Variants in BNIPL observed in about 807,000 individuals in gnomAD.
The protein encoded by BNIPL is bcl-2/adenovirus E1B 19 kDa-interacting protein 2-like protein.
In BNIPL, 33 loss-of-function variants were observed where a neutral mutation model predicts 47.0. The ratio of observed to expected loss-of-function variants is 0.70; its 90% CI spans 0.53 to 0.94. BNIPL has a LOEUF of 0.94. Among genes scored for constraint, BNIPL ranks in the 40% least tolerant of loss-of-function variants. The pLI is 0.00. For missense variants in BNIPL, 404 were observed against 445.2 expected (o/e 0.91, Z 0.83); for synonymous variants, 145 against 162.7 (o/e 0.89, Z 0.83).
At chr1:151,046,034 AC>A in intron 8 of BNIPL, 32 bp from the exon 9 acceptor site, 2 of 1,614,000 alleles carry the variant, frequency 1.2e-6, no homozygotes, top group African/African-American at 2.7e-5. Context: ...TTCTCCCAAT[AC>A]AAAACACAGT....
Position 151,039,010 on chromosome 1 carries a change from T to G in BNIPL, c.417T>G (p.His139Gln), listed in dbSNP as rs587655327. The G allele has an allele frequency of 3.8e-6, 6 of 1,580,876 alleles. No homozygotes were observed. The African/African-American group carries it at 8.1e-5, about 21-fold the overall frequency. The change falls in exon 4 of 10, where the codon CAT becomes CAG. Residue 139 changes from histidine to glutamine, a missense_variant. Coordinates refer to ENST00000368931, the MANE Select transcript of BNIPL (RefSeq NM_138278.4). ...ACTCGGAGCAGCTGGACAGTGGACA[T>G]GAATTTGAATGGGAAGGTGGGAAAC... is the stretch of plus-strand genomic sequence containing the variant. Reference protein sequence around the residue: ...PSDSEQLDSGHEFEWEDELPR... With the variant: ...PSDSEQLDSGQEFEWEDELPR...
Position 151,038,542 on chromosome 1 carries a change from A to AG in BNIPL, c.176_177insG (p.Asp60ArgfsTer3), listed in dbSNP as rs772378353. The AG allele has an allele frequency of 5.0e-6, 8 of 1,613,672 alleles. No individual in the cohort carries two copies. In the South Asian group the frequency reaches 7.7e-5, roughly 16 times the overall value. On this transcript the variant is annotated frameshift_variant, in exon 3 of 10. Coordinates refer to ENST00000368931, the MANE Select transcript of BNIPL (RefSeq NM_138278.4). LOFTEE classifies it high-confidence loss of function. ...GAGGCTGGCACTTCTGAAGATCCTG[A>AG]AGACCCTAAAGGAGATTCACAGGCA...
At position 151,045,871 on chromosome 1, in the gene BNIPL, G is replaced by A. The variant is rs200161296; in HGVS notation, c.926G>A (p.Arg309Gln). ...GTGAAAGCATTTCTGGCACTGCTTCGGCCCTTCATCAGGTACTAGTTCTAG... is the reference window on the plus strand; with the variant it reads ...GTGAAAGCATTTCTGGCACTGCTTCAGCCCTTCATCAGGTACTAGTTCTAG... ...WYVKAFLALL[R>Q]PFISSKFTRK... Residue 309 changes from arginine to glutamine, a missense_variant, in exon 8 of 10, where the codon CGG (arginine) becomes CAG (glutamine). By Grantham distance (43) the Arg-to-Gln change is conservative. Transcript: ENST00000368931. The A allele has an allele frequency of 5.1e-5, 82 of 1,613,894 alleles. No homozygotes were observed. The East Asian group carries it at 1.5e-3, about 30-fold the overall frequency.
chr1:151,037,303 C>T, intron 1 of BNIPL: 1 of 1,136,104 alleles, frequency 8.8e-7, no homozygotes, highest in Non-Finnish European at 1.1e-6. Flanking sequence ...ATCTCTCACC[C>T]CAACTTTGTA....
chr1:151,037,927 G>A (rs1675677926), intron 2 of BNIPL, among the ~76,000 whole-genome samples: 1 of 143,264 alleles, frequency 7.0e-6, no homozygotes, highest in Non-Finnish European at 1.5e-5. Context: ...TTGAACCTGG[G>A]AGGCAGAGGT....
chr1:151,042,698 C>T (rs117770722), intron 4 of BNIPL, among the ~76,000 whole-genome samples: 7,537 of 151,924 alleles, frequency 0.05, 238 homozygotes, highest in South Asian at 0.11. Context: ...CCTGTAGTTC[C>T]AGCTACATGG....
intron 4 of BNIPL, among the ~76,000 whole-genome samples, chr1:151,041,843 C>T (rs1181831237): frequency 2.0e-5 from 3 of 151,882 alleles, no homozygotes; most frequent in Non-Finnish European, 4.4e-5. Flanking sequence ...CACATGGGGG[C>T]GTGCACCTGT....
intron 4 of BNIPL, among the ~76,000 whole-genome samples, chr1:151,040,073 G>A (rs759915720): frequency 3.3e-5 from 5 of 151,852 alleles, no homozygotes; most frequent in Non-Finnish European, 5.9e-5. Context: ...AATCAAAGGA[G>A]TAACATGATC....
rs774506934 is a variant in BNIPL at position 151,045,814 on chromosome 1, G to A, written c.869G>A (p.Arg290Gln). 3.3e-5 allele frequency: 54 copies of A among 1,614,000 alleles called. No individual in the cohort carries two copies. Among genetic ancestry groups the A allele is most frequent in the African/African-American group, 5.3e-5 (4 of 74,886 alleles). The stretch of plus-strand genomic sequence containing the variant: ...TTTTTCAGGCTACGGAAAAACCTGC[G>A]AGCCCTGGTGGTTGTCCATGCTACA... ...TLDRRLRKNL[R>Q]ALVVVHATWY... Residue 290 changes from arginine to glutamine, a missense_variant, in exon 8 of 10, where the codon CGA becomes CAA. Coordinates refer to ENST00000368931, the MANE Select transcript of BNIPL (RefSeq NM_138278.4).
At position 151,046,908 on chromosome 1, in the gene BNIPL, C is replaced by T. The variant is rs1330929324; in HGVS notation, c.*221C>T. 1.7e-5 allele frequency: 8 copies of T among 458,148 alleles called. No homozygotes were observed. The highest frequency in any genetic ancestry group is 1.2e-4 in the South Asian group (3 of 25,276). The allele number at this position is 458,148 out of a possible 1,614,324, so 28.4% of individuals were successfully genotyped here. A position where few individuals can be genotyped will look rare whatever the true frequency, so the allele number is the denominator to read the frequency against. ...GTGACTTTCATTCCAGTTGCTGGGA[C>T]GGAAGGCTGAATGTAGGGTCATTTT... On this transcript the variant is annotated 3_prime_UTR_variant, in exon 10 of 10. Coordinates refer to ENST00000368931, the MANE Select transcript of BNIPL (RefSeq NM_138278.4).
chr1:151,037,385 C>T, intron 1 of BNIPL, 182 bp from the exon 2 acceptor site: 1 of 1,337,386 alleles, frequency 7.5e-7, no homozygotes. Flanking sequence ...CCAAACTTAA[C>T]AGCAGGTAAT....
At position 151,047,095 on chromosome 1, in the gene BNIPL, G is replaced by A. The variant is rs1676056768; in HGVS notation, c.*408G>A. On this transcript the variant is annotated 3_prime_UTR_variant, in exon 10 of 10. Coordinates refer to ENST00000368931, the MANE Select transcript of BNIPL (RefSeq NM_138278.4). ...TGCCTCAGCCTCAGCGAGTAGCTGA[G>A]ACTACCGGCGCACGCCACCACGCCC... 2 of 157,612 alleles carry A rather than the reference G, an allele frequency of 1.3e-5. No homozygotes were observed. Among genetic ancestry groups the A allele is most frequent in the Admixed American group, 1.3e-4 (2 of 15,416 alleles). The allele number at this position is 157,612 out of a possible 1,614,324, so 9.8% of individuals were successfully genotyped here.
rs1264314449 is a variant in BNIPL, at chr1:151,046,298, TG to T, written c.1037+137del. The T allele has an allele frequency of 1.0e-5, 14 of 1,365,522 alleles. No homozygotes were observed. The African/African-American group carries it at 1.8e-4, about 17-fold the overall frequency. The allele number at this position is 1,365,522 out of a possible 1,614,324, so 84.6% of individuals were successfully genotyped here. A position where few individuals can be genotyped will look rare whatever the true frequency, so the allele number is the denominator to read the frequency against. ...CTGTTTTCGGGTGCTTTAATGTATATGGGGAAACTGCACACACCCAGAGAAG... is the reference window on the plus strand; with the variant it reads ...CTGTTTTCGGGTGCTTTAATGTATATGGGAAACTGCACACACCCAGAGAAG... On this transcript the variant is annotated intron_variant, in intron 9 of 9. Transcript: ENST00000368931.
chr1:151,044,058 C>T (rs587619775), intron 7 of BNIPL, among the ~76,000 whole-genome samples: 9 of 152,308 alleles, frequency 5.9e-5, no homozygotes, highest in African/African-American at 2.2e-4. Flanking sequence ...GATCTCGGCT[C>T]ACTGCCACCT....
chr1:151,039,358 G>T (rs1675742288), intron 4 of BNIPL, among the ~76,000 whole-genome samples: 1 of 152,142 alleles, frequency 6.6e-6, no homozygotes, highest in Admixed American at 6.6e-5. Flanking sequence ...AAAAATAATT[G>T]CAGTTAAAGG....
intron 1 of BNIPL, 49 bp downstream of exon 1, chr1:151,036,815 C>G: frequency 6.5e-7 from 1 of 1,538,906 alleles, no homozygotes; most frequent in African/African-American, 1.4e-5. Flanking sequence ...ATAAACAGTC[C>G]GGAGAGACTT....
Position 151,039,003 on chromosome 1 carries a change from G to A in BNIPL, c.410G>A (p.Ser137Asn), listed in dbSNP as rs748046917. 7 of 1,590,078 alleles carry A rather than the reference G, an allele frequency of 4.4e-6. No homozygotes were observed. Among genetic ancestry groups the A allele is most frequent in the Admixed American group, 1.8e-5 (1 of 54,948 alleles). ...ETPSDSEQLDSGHEFEWEDEL... is the reference protein window; with the variant it reads ...ETPSDSEQLDNGHEFEWEDEL... Reference sequence around the variant, plus strand: ...CCTTCAGACTCGGAGCAGCTGGACAGTGGACATGAATTTGAATGGGAAGGT... The same window carrying A: ...CCTTCAGACTCGGAGCAGCTGGACAATGGACATGAATTTGAATGGGAAGGT... The change falls in exon 4 of 10, where the codon AGT (serine) becomes AAT (asparagine). Residue 137 changes from serine (S) to asparagine (N), a missense_variant. Ser to Asn is a conservative substitution (Grantham distance 46, BLOSUM62 1). Coordinates refer to ENST00000368931, the MANE Select transcript of BNIPL (RefSeq NM_138278.4).
At chr1:151,045,055 G>C in intron 7 of BNIPL, 1 of 911,124 alleles carries the variant, frequency 1.1e-6, no homozygotes, top group Non-Finnish European at 1.5e-6. Flanking sequence ...ACAAGGTCAG[G>C]AGTTCAAGAC....
At position 151,038,388 on chromosome 1, in the gene BNIPL, A is replaced by G. The variant is rs115543122; in HGVS notation, c.138-116A>G. The G allele has an allele frequency of 3.4e-3, 2,762 of 819,418 alleles. 65 individuals are homozygous for G. The African/African-American group carries it at 0.043, about 13-fold the overall frequency. 50.8% of individuals were successfully genotyped at this position (819,418 alleles called of 1,614,324 possible). A position where few individuals can be genotyped will look rare whatever the true frequency, so the allele number is the denominator to read the frequency against. On this transcript the variant is annotated intron_variant, in intron 2 of 9. Transcript: ENST00000368931. ...GACCCTGTCTCAAAAAAACAATTAA[A>G]AAAAAAAGCAGCATAGGTGATAAAA...
Sources: gnomAD v4.1 joint callset for allele counts (sites outside exome capture counted in the v4.1 genomes callset) on GRCh38, gnomAD v4.1.1 for gene constraint, MANE v1.5 for transcripts, NCBI Gene and HGNC (gene_info 2026-07-23, HGNC 2026-07-21) for gene names.